The following FARS2 variants were observed in gnomAD, a reference collection of about 807,000 sequenced individuals.
FARS2 encodes phenylalanine--tRNA ligase, mitochondrial.
In FARS2, 40 loss-of-function variants were observed where a neutral mutation model predicts 46.4. That is an observed-to-expected ratio of 0.86 (90% CI 0.67 to 1.12). The LOEUF is 1.12. Among genes scored for constraint, FARS2 ranks in the 50% most tolerant of loss-of-function variants. The pLI, the probability that FARS2 is intolerant of heterozygous loss-of-function variation, is 0.00. For missense variants in FARS2, 513 were observed against 567.9 expected (o/e 0.90, Z 0.98); for synonymous variants, 234 against 214.9 (o/e 1.09, Z -0.78).
At chr6:5,681,459 G>A (rs1779028307) in intron 6 of FARS2, among the ~76,000 whole-genome samples, 1 of 152,192 alleles carries the variant, frequency 6.6e-6, no homozygotes, top group African/African-American at 2.4e-5. Flanking sequence ...TGGCTCACAG[G>A]ACTACAGGTG....
chr6:5,516,943 A>G (rs115407658), intron 4 of FARS2, among the ~76,000 whole-genome samples: 1 of 152,300 alleles, frequency 6.6e-6, no homozygotes, highest in African/African-American at 2.4e-5. Flanking sequence ...CTTGGGGTAT[A>G]AAAATGAGTA....
chr6:5,421,605 G>A (rs1228270110), intron 3 of FARS2, among the ~76,000 whole-genome samples: 1 of 152,152 alleles, frequency 6.6e-6, no homozygotes, highest in African/African-American at 2.4e-5. Context: ...CCTCTTGAAT[G>A]CTTTGCTGCT....
intron 4 of FARS2, among the ~76,000 whole-genome samples, chr6:5,497,497 G>A (rs540519066): frequency 2.6e-5 from 4 of 152,308 alleles, no homozygotes; most frequent in East Asian, 3.9e-4. Flanking sequence ...TGGATTAAAT[G>A]TCAGAAAAAT....
At chr6:5,338,525 G>A (rs1005716744) in intron 1 of FARS2, among the ~76,000 whole-genome samples, 15 of 152,146 alleles carry the variant, frequency 9.9e-5, no homozygotes, top group African/African-American at 2.7e-4. Flanking sequence ...TGACCGCAGT[G>A]ACTTTCCTCA....
At chr6:5,543,458 A>G (rs2150495379) in intron 4 of FARS2, among the ~76,000 whole-genome samples, 1 of 148,964 alleles carries the variant, frequency 6.7e-6, no homozygotes, top group East Asian at 2.1e-4. Flanking sequence ...TCCACCTCCC[A>G]GGTTCAAGCA....
At chr6:5,622,253 C>T (rs1019912159) in intron 6 of FARS2, among the ~76,000 whole-genome samples, 9 of 152,214 alleles carry the variant, frequency 5.9e-5, no homozygotes, top group South Asian at 2.1e-4. Flanking sequence ...TTTTTTACAC[C>T]GCCTTCCTCT....
At chr6:5,358,323 T>C (rs1309422760) in intron 1 of FARS2, among the ~76,000 whole-genome samples, 1 of 152,154 alleles carries the variant, frequency 6.6e-6, no homozygotes, top group East Asian at 1.9e-4. Context: ...ATAGTAAGAT[T>C]ATTATAAAAT....
chr6:5,752,278 T>A (rs929267852), intron 6 of FARS2, among the ~76,000 whole-genome samples: 35 of 152,248 alleles, frequency 2.3e-4, no homozygotes, highest in African/African-American at 8.0e-4. Flanking sequence ...TGTTGTCTAA[T>A]TGCGGTCTGT....
intron 6 of FARS2, among the ~76,000 whole-genome samples, chr6:5,707,586 C>T (rs1172393212): frequency 6.6e-6 from 1 of 152,228 alleles, no homozygotes; most frequent in Admixed American, 6.5e-5. Context: ...GCATCAGGCT[C>T]CCTCTCATTT....
chr6:5,330,722 A>G (rs144238651), intron 1 of FARS2, among the ~76,000 whole-genome samples: 1 of 152,324 alleles, frequency 6.6e-6, no homozygotes, highest in East Asian at 1.9e-4. Context: ...CTAATGGGGT[A>G]GTTAAAGTTG....
intron 4 of FARS2, among the ~76,000 whole-genome samples, chr6:5,498,287 A>G (rs1767588237): frequency 6.6e-6 from 1 of 152,242 alleles, no homozygotes; most frequent in Non-Finnish European, 1.5e-5. Context: ...TTTGAGTGGT[A>G]GAGTTTTCAG....
intron 6 of FARS2, among the ~76,000 whole-genome samples, chr6:5,737,302 G>T (rs1272032210): frequency 6.6e-6 from 1 of 152,254 alleles, no homozygotes; most frequent in Admixed American, 6.5e-5. Context: ...GGAGGCCAAG[G>T]TGGGTGGATC....
chr6:5,353,737 T>TTTG (rs1757733260), intron 1 of FARS2, among the ~76,000 whole-genome samples: 1 of 145,638 alleles, frequency 6.9e-6, no homozygotes, highest in East Asian at 2.0e-4. Flanking sequence ...TTTTTTTTTT[T>TTTG]TTTTTTTTTT....
intron 1 of FARS2, among the ~76,000 whole-genome samples, chr6:5,277,441 A>AT (rs1766414275): frequency 2.0e-5 from 3 of 152,288 alleles, no homozygotes; most frequent in East Asian, 1.9e-4. Context: ...TTGCAGATAC[A>AT]TTTTTTTAAT....
chr6:5,743,503 C>G (rs554005784), intron 6 of FARS2, among the ~76,000 whole-genome samples: 2 of 152,350 alleles, frequency 1.3e-5, no homozygotes, highest in East Asian at 1.9e-4. Flanking sequence ...CTGTATAGAA[C>G]AGCTTGAATA....
At chr6:5,734,567 A>G (rs1165534086) in intron 6 of FARS2, among the ~76,000 whole-genome samples, 1 of 152,154 alleles carries the variant, frequency 6.6e-6, no homozygotes, top group Non-Finnish European at 1.5e-5. Context: ...GGGAGCAAGG[A>G]GATGATGGTG....
chr6:5,495,246 A>G (rs967091223), intron 4 of FARS2, among the ~76,000 whole-genome samples: 8 of 152,234 alleles, frequency 5.3e-5, no homozygotes, highest in African/African-American at 1.7e-4. Context: ...GAGCCAAGGT[A>G]GTGTGCCAGC....
At chr6:5,569,805 A>C (rs1275719122) in intron 5 of FARS2, among the ~76,000 whole-genome samples, 1 of 152,136 alleles carries the variant, frequency 6.6e-6, no homozygotes, top group East Asian at 1.9e-4. Context: ...GTTGCTGAGC[A>C]AGCACTGGCA....
At chr6:5,581,213 C>T (rs1384840260) in intron 5 of FARS2, among the ~76,000 whole-genome samples, 1 of 152,160 alleles carries the variant, frequency 6.6e-6, no homozygotes. Flanking sequence ...GCCTTAGCAC[C>T]GAGTGCAGCT....
Sources: allele counts gnomAD v4.1 joint callset (sites outside exome capture counted in the v4.1 genomes callset), GRCh38; gene constraint gnomAD v4.1.1; transcripts MANE v1.5; gene names NCBI Gene and HGNC (gene_info 2026-07-23, HGNC 2026-07-21).